The following POT1 variants were observed in gnomAD, a reference collection of about 807,000 sequenced individuals.
POT1 encodes protection of telomeres 1.
Under a neutral mutation model 78.5 loss-of-function variants are expected in POT1, and 47 were observed. The observed-to-expected ratio is 0.60, with a 90% CI of 0.47 to 0.76. POT1 has a LOEUF of 0.76. Ranked by LOEUF, POT1 falls within the 30% of genes least tolerant of loss-of-function variation. The probability of loss-of-function intolerance (pLI) is 0.00; values close to 1 mark genes in which losing one functional copy is unlikely to be tolerated. For synonymous variants in POT1, 259 were observed against 260.7 expected (o/e 0.99, Z 0.06); for missense variants, 646 against 749.9 (o/e 0.86, Z 1.62).
intron 3 of POT1, among the ~76,000 whole-genome samples, chr7:124,902,722 C>T (rs1487176886): frequency 3.3e-5 from 5 of 152,138 alleles, no homozygotes; most frequent in African/African-American, 1.2e-4. Context: ...TTAAAAGACA[C>T]AGAATGGCAA....
chr7:124,838,693 C>T (rs1030672588), intron 14 of POT1, among the ~76,000 whole-genome samples: 1 of 152,158 alleles, frequency 6.6e-6, no homozygotes, highest in Admixed American at 6.5e-5. Flanking sequence ...GCAACCTCCG[C>T]CTCCCGGGTT....
chr7:124,836,757 C>T (rs1211050948), intron 14 of POT1, among the ~76,000 whole-genome samples: 1 of 152,082 alleles, frequency 6.6e-6, no homozygotes, highest in Non-Finnish European at 1.5e-5. Context: ...TCTGTAAGAT[C>T]ATTATAAAGA....
At chr7:124,901,902 G>A (rs1584514120) in intron 3 of POT1, among the ~76,000 whole-genome samples, 1 of 152,076 alleles carries the variant, frequency 6.6e-6, no homozygotes, top group East Asian at 1.9e-4. Context: ...TAGTTGATTG[G>A]ATCAAGTGGA....
At chr7:124,828,124 T>C (rs1169394009) in intron 16 of POT1, among the ~76,000 whole-genome samples, 1 of 152,120 alleles carries the variant, frequency 6.6e-6, no homozygotes, top group Non-Finnish European at 1.5e-5. Flanking sequence ...TCATTGCATG[T>C]TAGTTTTATG....
chr7:124,894,628 A>T (rs771446036), intron 5 of POT1, among the ~76,000 whole-genome samples: 7 of 151,630 alleles, frequency 4.6e-5, no homozygotes, highest in Non-Finnish European at 8.9e-5. Context: ...AGTTTGGTTA[A>T]TGTACCATTG....
intron 5 of POT1, among the ~76,000 whole-genome samples, chr7:124,896,020 A>G (rs1408372393): frequency 6.6e-6 from 1 of 151,200 alleles, no homozygotes; most frequent in Non-Finnish European, 1.5e-5. Flanking sequence ...TCTATTTTCT[A>G]AATTCTAAAA....
intron 11 of POT1, among the ~76,000 whole-genome samples, chr7:124,848,884 A>C (rs1244496669): frequency 6.6e-6 from 1 of 152,176 alleles, no homozygotes; most frequent in Non-Finnish European, 1.5e-5. Context: ...TATGAAATTT[A>C]ATAGAATGAC....
intron 9 of POT1, among the ~76,000 whole-genome samples, chr7:124,855,441 G>A (rs1286229594): frequency 6.6e-6 from 1 of 151,612 alleles, no homozygotes; most frequent in Non-Finnish European, 1.5e-5. Flanking sequence ...TTCACATAAA[G>A]ATAAGTTGTT....
chr7:124,879,981 C>T (rs1450402253), intron 6 of POT1, among the ~76,000 whole-genome samples: 1 of 152,062 alleles, frequency 6.6e-6, no homozygotes, highest in Non-Finnish European at 1.5e-5. Context: ...TCCCCAAACA[C>T]TATACTGGCT....
At chr7:124,891,197 G>A (rs992009404) in intron 6 of POT1, among the ~76,000 whole-genome samples, 3 of 151,770 alleles carry the variant, frequency 2.0e-5, no homozygotes, top group Middle Eastern at 3.4e-3. Context: ...TAAGCGCTCT[G>A]ATGTTAGCAG....
Position 124,825,362 on chromosome 7 carries a change from A to T in POT1, c.1687-5T>A, listed in dbSNP as rs35062732. The T allele has an allele frequency of 1.3e-3, 2,104 of 1,580,712 alleles. 20 individuals are homozygous for T. The African/African-American group carries it at 0.022, about 17-fold the overall frequency. ...TGGAATCTGGAAGAATTTGTCCTTA[A>T]AAATGTTTCATGAGAGAAAAAAAAA... On this transcript the variant is annotated splice_region_variant and splice_polypyrimidine_tract_variant and intron_variant, in intron 17 of 18. Transcript: ENST00000357628.
intron 2 of POT1, among the ~76,000 whole-genome samples, chr7:124,924,016 GA>G (rs1797214526): frequency 6.6e-6 from 1 of 151,120 alleles, no homozygotes; most frequent in African/African-American, 2.4e-5. Context: ...ACTCAGTAGT[GA>G]AAAAAAGTAG....
Position 124,840,930 on chromosome 7 carries a change from G to A in POT1, c.1369+43C>T, listed in dbSNP as rs368474180. On this transcript the variant is annotated intron_variant, in intron 14 of 18. Coordinates refer to ENST00000357628, the MANE Select transcript of POT1 (RefSeq NM_015450.3). ...AACAATAATTAATTAGGAAAAATATGCAAAAGGAGTATTCTAACAAAACAG... is the reference window on the plus strand; with the variant it reads ...AACAATAATTAATTAGGAAAAATATACAAAAGGAGTATTCTAACAAAACAG... 4 of 1,424,598 alleles carry A rather than the reference G, an allele frequency of 2.8e-6. No individual in the cohort carries two copies. In the African/African-American group the frequency reaches 5.7e-5, roughly 20 times the overall value. 88.2% of individuals were successfully genotyped at this position (1,424,598 alleles called of 1,614,324 possible).
intron 2 of POT1, among the ~76,000 whole-genome samples, chr7:124,922,567 T>C (rs1433888891): frequency 6.6e-6 from 1 of 151,262 alleles, no homozygotes; most frequent in Non-Finnish European, 1.5e-5. Flanking sequence ...ACATGGGGAG[T>C]GGTACAATAG....
chr7:124,850,685 C>T (rs956770552), intron 11 of POT1, among the ~76,000 whole-genome samples: 4 of 151,318 alleles, frequency 2.6e-5, no homozygotes, highest in Admixed American at 6.6e-5. Context: ...GAGCAGAGAT[C>T]GCGCTAGCCA....
chr7:124,881,522 C>G (rs1796117897), intron 6 of POT1, among the ~76,000 whole-genome samples: 1 of 151,874 alleles, frequency 6.6e-6, no homozygotes, highest in Non-Finnish European at 1.5e-5. Flanking sequence ...AAATGTTAAA[C>G]ACCTTTCAGG....
chr7:124,900,857 G>A (rs1431105061), intron 3 of POT1: 2 of 382,278 alleles, frequency 5.2e-6, no homozygotes, highest in African/African-American at 2.1e-5. Flanking sequence ...TATATCCCAT[G>A]CCTGGCTCAT....
intron 9 of POT1, among the ~76,000 whole-genome samples, chr7:124,857,803 G>C (rs185392387): frequency 2.4e-4 from 37 of 152,228 alleles, no homozygotes; most frequent in African/African-American, 7.9e-4. Context: ...ACAAGAGCTC[G>C]GGTGCCACAA....
At position 124,870,627 on chromosome 7, in the gene POT1, C is replaced by G. The variant is rs960985512; in HGVS notation, c.255+284G>C. Among the ~76,000 whole-genome samples the G allele has an allele frequency of 2.0e-5, 3 of 152,012 alleles. No homozygotes were observed. The East Asian group carries it at 5.8e-4, about 29-fold the overall frequency. On this transcript the variant is annotated intron_variant, in intron 7 of 18. Transcript: ENST00000357628. Reference sequence around the variant, plus strand: ...TTATCAAAATCTACAGATAAAACTTCTATAGCATTAGTCTGTATTTAGAAA... The same window carrying G: ...TTATCAAAATCTACAGATAAAACTTGTATAGCATTAGTCTGTATTTAGAAA...
Sources: allele counts gnomAD v4.1 joint callset (sites outside exome capture counted in the v4.1 genomes callset), GRCh38; gene constraint gnomAD v4.1.1; transcripts MANE v1.5; gene names NCBI Gene and HGNC (gene_info 2026-07-23, HGNC 2026-07-21).